The following ZNF500 variants were observed in gnomAD, a reference collection of about 807,000 sequenced individuals.
ZNF500 encodes zinc finger protein 500, also known as zinc finger protein with KRAB and SCAN domains 18.
ZNF500 carries 31 observed loss-of-function variants against 30.1 expected under a neutral mutation model. The observed-to-expected ratio is 1.03, with a 90% CI of 0.77 to 1.39. The LOEUF (loss-of-function observed/expected upper bound fraction) is 1.39. Ranked by LOEUF, ZNF500 falls within the 40% of genes most tolerant of loss-of-function variation. The probability of loss-of-function intolerance (pLI) is 0.00; values close to 1 mark genes in which losing one functional copy is unlikely to be tolerated. For missense variants in ZNF500, 817 were observed against 657.8 expected (o/e 1.24, Z -2.65); for synonymous variants, 392 against 282.0 (o/e 1.39, Z -3.91).
chr16:4,765,741 G>A lies in ZNF500; in HGVS notation c.238C>T (p.Arg80Trp), dbSNP rs1372504492. Reference sequence around the variant, plus strand: ...TGCTCCTTGGTGCGCAGCTCCGGCCGCAGCCAGCGGCAGCACAGCTCCCAG... The same window carrying A: ...TGCTCCTTGGTGCGCAGCTCCGGCCACAGCCAGCGGCAGCACAGCTCCCAG... ...RLWELCCRWL[R>W]PELRTKEQIL... Residue 80 changes from arginine to tryptophan, a missense_variant, in exon 2 of 6, where the codon CGG becomes TGG. Transcript: ENST00000219478. The A allele has an allele frequency of 2.5e-6, 4 of 1,613,010 alleles. No individual in the cohort carries two copies. The highest frequency in any genetic ancestry group is 2.5e-6 in the Non-Finnish European group (3 of 1,179,864).
intron 4 of ZNF500, among the ~76,000 whole-genome samples, chr16:4,761,340 T>C (rs1002921753): frequency 1.3e-5 from 2 of 151,814 alleles, no homozygotes; most frequent in African/African-American, 2.4e-5. Flanking sequence ...CTCAGGAGGC[T>C]GACGCAGGAA....
chr16:4,744,915 C>T, downstream of ZNF500: 1 of 1,613,778 alleles, frequency 6.2e-7, no homozygotes, highest in Non-Finnish European at 8.5e-7. Context: ...GAACAGCTGG[C>T]CCTCCTGTGC....
In ZNF500 at chr16:4,764,500, G is replaced by C. The variant is rs60401637; in HGVS notation, c.414+1065C>G. On this transcript the variant is annotated intron_variant, in intron 2 of 5. Coordinates refer to ENST00000219478, the MANE Select transcript of ZNF500 (RefSeq NM_021646.4). ...CACAAAAATAAAAGTAAAATAAATGGGCTAGGTGCGGTGGCTCACGCCTGT... is the reference window on the plus strand; with the variant it reads ...CACAAAAATAAAAGTAAAATAAATGCGCTAGGTGCGGTGGCTCACGCCTGT... 8.1e-3 allele frequency among the ~76,000 whole-genome samples: 1,221 copies of C among 151,184 alleles called. 15 individuals carry two copies. Among genetic ancestry groups the C allele is most frequent in the African/African-American group, 0.028 (1,157 of 40,960 alleles).
chr16:4,765,452 C>T (rs1179782498), intron 2 of ZNF500, 113 bp downstream of exon 2: 2 of 1,445,024 alleles, frequency 1.4e-6, no homozygotes, highest in South Asian at 1.4e-5. Context: ...CTCAAAAGGG[C>T]TCAGGGGCCA....
rs1156501238 is a variant in ZNF500, at chr16:4,749,327, C to A, written c.*3049G>T. 1 of 154,416 alleles carries A rather than the reference C, an allele frequency of 6.5e-6. No homozygotes were observed. The highest frequency in any genetic ancestry group is 1.5e-5 in the Non-Finnish European group (1 of 68,232). The allele number at this position is 154,416 out of a possible 1,614,324, so 9.6% of individuals were successfully genotyped here. ...CCCCATTTTCTTCCATTTCTCCCAC[C>A]TTTTTAATGCCAGTAACCTCACTGA... On this transcript the variant is annotated 3_prime_UTR_variant, in exon 6 of 6. Coordinates refer to ENST00000219478, the MANE Select transcript of ZNF500 (RefSeq NM_021646.4).
At chr16:4,747,432 C>T (rs776229179), downstream of ZNF500, 8 of 1,613,066 alleles carry the variant, frequency 5.0e-6, no homozygotes, top group Admixed American at 1.7e-5. Context: ...AGCAAGGGGC[C>T]CGCGGGTGGG....
rs552583784 is a variant in ZNF500, at chr16:4,765,669, C to T, written c.310G>A (p.Gly104Arg). The T allele has an allele frequency of 2.5e-6, 4 of 1,613,702 alleles. No individual in the cohort carries two copies. The South Asian group carries it at 4.4e-5, about 18-fold the overall frequency. Reference protein sequence around the residue: ...VLEQFLTVLPGEIQARVREQQ... With the variant: ...VLEQFLTVLPREIQARVREQQ... The stretch of plus-strand genomic sequence containing the variant: ...TCGCGTACCCGAGCCTGGATCTCCC[C>T]CGGCAGCACAGTCAGGAACTGCTCC... Residue 104 changes from glycine (G) to arginine (R), a missense_variant, in exon 2 of 6, where the codon GGG becomes AGG. By Grantham distance (125) the Gly-to-Arg change is moderately radical (BLOSUM62 -2). Transcript: ENST00000219478.
chr16:4,765,505 T>G (rs1287586489), intron 2 of ZNF500, 60 bp downstream of exon 2: 1 of 1,527,060 alleles, frequency 6.5e-7, no homozygotes, highest in South Asian at 1.3e-5. Context: ...AATCTGCAGC[T>G]GCAGACCCCA....
At chr16:4,747,383 G>C (rs377538294), downstream of ZNF500, 2 of 1,608,682 alleles carry the variant, frequency 1.2e-6, no homozygotes, top group East Asian at 2.2e-5. Flanking sequence ...GCAGCTCAGG[G>C]CCTTTCAGAA....
In ZNF500 at chr16:4,765,582, T is replaced by A; in HGVS notation, c.397A>T (p.Arg133Trp). 6.2e-7 allele frequency: 1 copy of A among 1,601,146 alleles called. No homozygotes were observed. Among genetic ancestry groups the A allele is most frequent in the South Asian group, 1.1e-5 (1 of 89,720 alleles). Residue 133 changes from arginine (R) to tryptophan (W), a missense_variant, in exon 2 of 6, where the codon AGG becomes TGG. Physicochemically the swap from Arg to Trp is moderately radical, Grantham distance 101. Coordinates refer to ENST00000219478, the MANE Select transcript of ZNF500 (RefSeq NM_021646.4). ...CCACTCACCCGCTGCCTGTGTTTCC[T>A]GGGCTTCCGCTGCAGCCCTTCCACA... is the stretch of plus-strand genomic sequence containing the variant. ...VLVEGLQRKP[R>W]KHRQRGSELL...
chr16:4,747,278 A>G, downstream of ZNF500: 1 of 1,491,212 alleles, frequency 6.7e-7, no homozygotes. Context: ...CTCCTGTTTC[A>G]GTAAGGAGGG....
At position 4,760,582 on chromosome 16, in the gene ZNF500, C is replaced by T. The variant is rs151148153; in HGVS notation, c.670G>A (p.Val224Met). ...TATACAGCCACGTCCTCCAAGTTCA[C>T]GGGCACCTGCCAGAACGCACCCCAC... ...PFLSAWSQVP[V>M]NLEDVAVYLS... The change falls in exon 5 of 6, where the codon GTG becomes ATG. Residue 224 changes from valine to methionine, a missense_variant. Val to Met is a conservative substitution (Grantham distance 21). Coordinates refer to ENST00000219478, the MANE Select transcript of ZNF500 (RefSeq NM_021646.4). 1.0e-3 allele frequency: 1,616 copies of T among 1,613,094 alleles called. 10 individuals are homozygous for T. In the African/African-American group the frequency reaches 0.012, roughly 12 times the overall value.
chr16:4,760,840 C>G (rs567875266), intron 4 of ZNF500, among the ~76,000 whole-genome samples: 1 of 152,152 alleles, frequency 6.6e-6, no homozygotes, highest in South Asian at 2.1e-4. Flanking sequence ...AGTGGTGGAC[C>G]CACTGCACAC....
chr16:4,746,598 G>A, downstream of ZNF500: 1 of 1,452,428 alleles, frequency 6.9e-7, no homozygotes, highest in South Asian at 1.3e-5. Flanking sequence ...GGATCCTGAT[G>A]GGGAGGAACA....
chr16:4,762,183 G>A (rs1431077860), intron 4 of ZNF500, 88 bp downstream of exon 4: 3 of 1,456,286 alleles, frequency 2.1e-6, no homozygotes, highest in Non-Finnish European at 1.9e-6. Flanking sequence ...TTGGCCCCCA[G>A]GAGAGGTGTC....
rs1488614839 is a variant in ZNF500, at chr16:4,752,932, G to A, written c.887C>T (p.Ala296Val). Residue 296 changes from alanine (A) to valine (V), a missense_variant, in exon 6 of 6, where the codon GCC becomes GTC. Transcript: ENST00000219478. ...AGGCCTGACCAAGCCCCTGACTGGG[G>A]CTGGCCTCTGACCTGGGAGCGGGTG... ...PGHPLPGQRP[A>V]PVRGLVRPDQ... 1.9e-6 allele frequency: 3 copies of A among 1,613,052 alleles called. No homozygotes were observed. The highest frequency in any genetic ancestry group is 1.3e-5 in the African/African-American group (1 of 74,944).
At position 4,751,556 on chromosome 16, in the gene ZNF500, G is replaced by A; in HGVS notation, c.*820C>T. ...CATTTGGAAACTCTGGCAGGATGAA[G>A]AAGCTGGAGACCACGTCCTGGGAAG... On this transcript the variant is annotated 3_prime_UTR_variant, in exon 6 of 6. Transcript: ENST00000219478. The A allele has an allele frequency of 6.5e-7, 1 of 1,530,928 alleles. No homozygotes were observed. Among genetic ancestry groups the A allele is most frequent in the East Asian group, 2.4e-5 (1 of 40,896 alleles). The allele number at this position is 1,530,928 out of a possible 1,614,324, so 94.8% of individuals were successfully genotyped here.
intron 2 of ZNF500, chr16:4,764,045 C>A: frequency 2.0e-6 from 2 of 985,408 alleles, no homozygotes; most frequent in Non-Finnish European, 2.4e-6. Context: ...ACTGAAGCAG[C>A]AGGAATGAGT....
intron 4 of ZNF500, among the ~76,000 whole-genome samples, chr16:4,761,354 C>T (rs2082196875): frequency 6.6e-6 from 1 of 151,724 alleles, no homozygotes; most frequent in African/African-American, 2.4e-5. Context: ...GCAGGAAAAT[C>T]GCTTGAACCC....
Sources: gnomAD v4.1 joint callset for allele counts (sites outside exome capture counted in the v4.1 genomes callset) on GRCh38, gnomAD v4.1.1 for gene constraint, MANE v1.5 for transcripts, NCBI Gene and HGNC (gene_info 2026-07-23, HGNC 2026-07-21) for gene names.